DNAI4: variants seen among roughly 807,000 people sequenced by gnomAD.
The protein encoded by DNAI4 is dynein axonemal intermediate chain 4.
A neutral mutation model predicts 105.8 loss-of-function variants in DNAI4; 85 were observed. The observed-to-expected ratio is 0.80, with a 90% confidence interval of 0.67 to 0.96. DNAI4 has a LOEUF of 0.96. Ranked by LOEUF, DNAI4 falls within the 40% of genes least tolerant of loss-of-function variation. The probability of loss-of-function intolerance (pLI) is 0.00; values close to 1 mark genes in which losing one functional copy is unlikely to be tolerated. For synonymous variants in DNAI4, 352 were observed against 331.5 expected, an observed-to-expected ratio of 1.06 and a Z score of -0.67; for missense variants, 1,014 against 1,005.6, an observed-to-expected ratio of 1.01 and a Z score of -0.11.
chr1:66,870,442 CAAA>C (rs570013620), intron 6 of DNAI4, among the ~76,000 whole-genome samples: 6 of 88,784 alleles, frequency 6.8e-5, no homozygotes, highest in Admixed American at 1.4e-4. Flanking sequence ...AACTGTGCCT[CAAA>C]AAAAAAAAAA....
At chr1:66,895,411 T>C (rs1221635731) in intron 2 of DNAI4, among the ~76,000 whole-genome samples, 4 of 152,182 alleles carry the variant, frequency 2.6e-5, no homozygotes, top group Admixed American at 2.6e-4. Context: ...GAGGATATAG[T>C]GAGCTATGAT....
At chr1:66,875,289 A>C (rs969695315) in intron 4 of DNAI4, among the ~76,000 whole-genome samples, 1 of 152,184 alleles carries the variant, frequency 6.6e-6, no homozygotes, top group Non-Finnish European at 1.5e-5. Flanking sequence ...TAGGGGGCAT[A>C]ATAAGCAACA....
At chr1:66,822,907 A>G (rs1645663107) in intron 15 of DNAI4, among the ~76,000 whole-genome samples, 1 of 151,552 alleles carries the variant, frequency 6.6e-6, no homozygotes, top group Admixed American at 6.6e-5. Flanking sequence ...TTTGTTATTT[A>G]TTTATTTATT....
chr1:66,850,113 C>T (rs1646364668), intron 7 of DNAI4, among the ~76,000 whole-genome samples: 1 of 144,972 alleles, frequency 6.9e-6, no homozygotes, highest in Admixed American at 7.0e-5. Flanking sequence ...CCAAGACACA[C>T]CATACTAAAA....
chr1:66,861,381 A>T (rs1171021345), intron 7 of DNAI4, among the ~76,000 whole-genome samples: 1 of 152,202 alleles, frequency 6.6e-6, no homozygotes, highest in Admixed American at 6.5e-5. Flanking sequence ...TAAGAAAAAG[A>T]TACAACATTT....
chr1:66,818,175 T>C (rs1645556295), intron 16 of DNAI4, among the ~76,000 whole-genome samples: 1 of 152,034 alleles, frequency 6.6e-6, no homozygotes, highest in Admixed American at 6.5e-5. Flanking sequence ...GCTTCTTATA[T>C]AAATGTGTAA....
At chr1:66,882,872 C>T (rs568225469) in intron 4 of DNAI4, among the ~76,000 whole-genome samples, 19 of 151,986 alleles carry the variant, frequency 1.3e-4, no homozygotes, top group East Asian at 1.9e-4. Flanking sequence ...ATCTATACAT[C>T]GAATTACAAA....
At chr1:66,842,781 GA>G in intron 8 of DNAI4, among the ~76,000 whole-genome samples, 1 of 152,290 alleles carries the variant, frequency 6.6e-6, no homozygotes, top group Admixed American at 6.5e-5. Context: ...GCATGAATAA[GA>G]CTTCTTGTTG....
rs1342975231 is a variant in DNAI4, at chr1:66,861,812, A to G, written c.1096+335T>C. Among the ~76,000 whole-genome samples the G allele has an allele frequency of 2.0e-5, 3 of 152,230 alleles. No homozygotes were observed. The East Asian group carries it at 5.8e-4, about 29-fold the overall frequency. ...GTATAAATCCATTTTAAGTTGTCAT[A>G]GAGCTAGTATACATCCTTTTTCTCA... On this transcript the variant is annotated intron_variant, in intron 7 of 16. Coordinates refer to ENST00000371026, the MANE Select transcript of DNAI4 (RefSeq NM_024763.5).
At chr1:66,865,380 C>T (rs766304138) in intron 6 of DNAI4, among the ~76,000 whole-genome samples, 2 of 152,112 alleles carry the variant, frequency 1.3e-5, no homozygotes, top group Non-Finnish European at 2.9e-5. Flanking sequence ...GCCAAGATTG[C>T]GCCATTGCCC....
At chr1:66,838,289 A>T (rs941858011) in intron 9 of DNAI4, among the ~76,000 whole-genome samples, 5 of 152,188 alleles carry the variant, frequency 3.3e-5, no homozygotes, top group Admixed American at 3.3e-4. Flanking sequence ...GATTATAAGG[A>T]TGGGGTCCTA....
intron 8 of DNAI4, among the ~76,000 whole-genome samples, chr1:66,842,938 C>G (rs1289452563): frequency 6.6e-6 from 1 of 151,862 alleles, no homozygotes; most frequent in East Asian, 1.9e-4. Context: ...TGGCTCACAC[C>G]TGTAATCCCA....
At chr1:66,922,467 G>A (rs1318284981) in intron 1 of DNAI4, among the ~76,000 whole-genome samples, 1 of 152,206 alleles carries the variant, frequency 6.6e-6, no homozygotes, top group Non-Finnish European at 1.5e-5. Context: ...TAGGCAAGAG[G>A]AAGAGTCTAT....
chr1:66,897,620 C>T (rs1001217985), intron 2 of DNAI4, among the ~76,000 whole-genome samples: 1 of 152,116 alleles, frequency 6.6e-6, no homozygotes, highest in African/African-American at 2.4e-5. Flanking sequence ...AGCCCACTAC[C>T]CAGAACTACC....
chr1:66,846,462 G>A (rs1572640243), intron 8 of DNAI4, among the ~76,000 whole-genome samples: 2 of 152,288 alleles, frequency 1.3e-5, no homozygotes. Flanking sequence ...ATGGGGTGGG[G>A]ATAAGGGTAG....
chr1:66,818,040 A>G (rs529249437), intron 16 of DNAI4, among the ~76,000 whole-genome samples: 4 of 152,320 alleles, frequency 2.6e-5, no homozygotes, highest in Admixed American at 6.5e-5. Context: ...GTAAAAAATG[A>G]TGCAGCAAAT....
At chr1:66,833,533 C>T (rs1645913102) in intron 13 of DNAI4, 52 bp downstream of exon 13, 1 of 1,597,416 alleles carries the variant, frequency 6.3e-7, no homozygotes, top group Non-Finnish European at 8.5e-7. Context: ...TAATACACTT[C>T]AATTTTTGGA....
At chr1:66,924,568 G>A (rs1650992640) in intron 1 of DNAI4, 94 bp downstream of exon 1, 1 of 1,555,446 alleles carries the variant, frequency 6.4e-7, no homozygotes, top group Non-Finnish European at 8.8e-7. Context: ...TTAGGGTAGG[G>A]CCCCTTTCCA....
intron 7 of DNAI4, 113 bp downstream of exon 7, chr1:66,862,034 G>T: frequency 2.0e-6 from 2 of 1,024,358 alleles, no homozygotes; most frequent in Non-Finnish European, 1.4e-6. Flanking sequence ...CTGAGTAAAA[G>T]TTGTACTTTT....
Sources: gnomAD v4.1 joint callset for allele counts (sites outside exome capture counted in the v4.1 genomes callset) on GRCh38, gnomAD v4.1.1 for gene constraint, MANE v1.5 for transcripts, NCBI Gene and HGNC (gene_info 2026-07-23, HGNC 2026-07-21) for gene names.